Variants in ZNF469 observed in about 807,000 individuals in gnomAD.
ZNF469 encodes zinc finger protein 469.
ZNF469 carries 1 observed loss-of-function variant against 1.0 expected under a neutral mutation model. The ratio of observed to expected loss-of-function variants is 1.00; its 90% CI spans 0.35 to 4.73. The LOEUF is 4.73. Among genes scored for constraint, ZNF469 ranks in the 30% most tolerant of loss-of-function variants. The probability of loss-of-function intolerance (pLI) is 0.16; values close to 1 mark genes in which losing one functional copy is unlikely to be tolerated. For missense variants in ZNF469, 6,100 were observed against 5,356.3 expected, an observed-to-expected ratio of 1.14 and a Z score of -4.33; for synonymous variants, 2,703 against 2,363.4, an observed-to-expected ratio of 1.14 and a Z score of -4.17.
At chr16:88,318,398 C>T in the ZNF469 span, among the ~76,000 whole-genome samples, 4 of 151,656 alleles carry the variant, frequency 2.6e-5, no homozygotes, top group Admixed American at 1.3e-4. Flanking sequence ...ATTCGGTAAG[C>T]GGGGAAGAGC....
At chr16:88,222,837 G>A in the ZNF469 span, among the ~76,000 whole-genome samples, 3 of 151,864 alleles carry the variant, frequency 2.0e-5, no homozygotes, top group Admixed American at 6.6e-5. Context: ...GGCCTCAAAC[G>A]ATCCTTCCAC....
the ZNF469 span, among the ~76,000 whole-genome samples, chr16:88,146,211 C>G: frequency 3.5e-3 from 531 of 152,366 alleles, 4 homozygotes; most frequent in Middle Eastern, 0.014. Context: ...GCCCAGGTGA[C>G]TAGACTCAGG....
At chr16:88,349,387 A>G in the ZNF469 span, among the ~76,000 whole-genome samples, 2 of 151,062 alleles carry the variant, frequency 1.3e-5, no homozygotes, top group Non-Finnish European at 3.0e-5. Flanking sequence ...ACCACACACA[A>G]GGGCACACAC....
the ZNF469 span, among the ~76,000 whole-genome samples, chr16:88,184,326 A>C: frequency 6.6e-6 from 1 of 152,152 alleles, no homozygotes; most frequent in African/African-American, 2.4e-5. Flanking sequence ...AGGGCACAGC[A>C]GTGCAGCCCC....
chr16:88,140,253 T>G, the ZNF469 span, among the ~76,000 whole-genome samples: 618 of 149,812 alleles, frequency 4.1e-3, 5 homozygotes, highest in African/African-American at 0.015. Context: ...AGAGAGCTGG[T>G]AAGAAAAGTG....
the ZNF469 span, among the ~76,000 whole-genome samples, chr16:88,147,684 C>T: frequency 4.6e-5 from 7 of 152,092 alleles, no homozygotes; most frequent in African/African-American, 1.5e-4. Context: ...AGTCCCTGGG[C>T]AGCTGCTTGC....
the ZNF469 span, among the ~76,000 whole-genome samples, chr16:88,252,946 C>G: frequency 4.2e-3 from 634 of 152,336 alleles, 4 homozygotes; most frequent in African/African-American, 0.015. Context: ...TTCCTTTAAG[C>G]AGAATCCTAT....
the ZNF469 span, among the ~76,000 whole-genome samples, chr16:88,218,738 A>G: frequency 2.6e-5 from 4 of 152,040 alleles, no homozygotes; most frequent in South Asian, 8.3e-4. Flanking sequence ...CACCACTCCT[A>G]TTCCACATAG....
the ZNF469 span, among the ~76,000 whole-genome samples, chr16:88,171,866 C>A: frequency 1.3e-5 from 2 of 152,134 alleles, no homozygotes; most frequent in Admixed American, 6.5e-5. Context: ...AATTTTACTG[C>A]TATTTGGACA....
the ZNF469 span, among the ~76,000 whole-genome samples, chr16:88,223,187 G>A: frequency 6.6e-6 from 1 of 152,344 alleles, no homozygotes; most frequent in Admixed American, 6.5e-5. Flanking sequence ...CCCATGGGTT[G>A]TGGGAGGGAC....
At chr16:88,132,931 C>T in the ZNF469 span, among the ~76,000 whole-genome samples, 5,032 of 151,958 alleles carry the variant, frequency 0.033, no homozygotes, top group African/African-American at 0.11. Context: ...CCGAGCTGAC[C>T]ACCACAGGTG....
At chr16:88,195,266 G>C in the ZNF469 span, 2 of 152,212 alleles carry the variant, frequency 1.3e-5, no homozygotes. Flanking sequence ...CCCCAGCCTG[G>C]AGAGCTAAAA....
At position 88,435,383 on chromosome 16, in the gene ZNF469, T is replaced by C. The variant is rs1478915762; in HGVS notation, c.7913T>C (p.Leu2638Pro). The change falls in exon 3 of 3, where the codon CTG (leucine) becomes CCG (proline). Residue 2638 changes from leucine to proline, a missense_variant. Leu to Pro is a moderately conservative substitution (Grantham distance 98). Transcript: ENST00000565624. ...EGKSNKKRGK[L>P]RGRRLREESI... ...AAGTCAAATAAGAAAAGGGGAAAGCTGAGAGGGAGAAGGCTCCGGGAGGAG... is the reference window on the plus strand; with the variant it reads ...AAGTCAAATAAGAAAAGGGGAAAGCCGAGAGGGAGAAGGCTCCGGGAGGAG... 1 of 1,550,278 alleles carries C rather than the reference T, an allele frequency of 6.5e-7. No homozygotes were observed. The highest frequency in any genetic ancestry group is 8.7e-7 in the Non-Finnish European group (1 of 1,146,980).
chr16:88,348,806 CCTT>C, the ZNF469 span, among the ~76,000 whole-genome samples: 6 of 152,174 alleles, frequency 3.9e-5, no homozygotes, highest in Non-Finnish European at 7.4e-5. Context: ...CCTGTCGTCT[CCTT>C]CTTGAGGCCC....
chr16:88,259,995 C>A, the ZNF469 span, among the ~76,000 whole-genome samples: 3 of 151,028 alleles, frequency 2.0e-5, no homozygotes. The surrounding 1 kb of genome is among the most constrained non-coding windows in gnomAD (Gnocchi z 4.1). Context: ...TTTTTTGTTT[C>A]GAGACAGAGT....
At chr16:88,120,327 T>C in the ZNF469 span, among the ~76,000 whole-genome samples, 3 of 152,232 alleles carry the variant, frequency 2.0e-5, no homozygotes, top group Admixed American at 6.5e-5. Context: ...CTGCTGCATG[T>C]GTGTGTTACA....
At chr16:88,381,921 C>G (rs1383607717), upstream of ZNF469, among the ~76,000 whole-genome samples, 1 of 152,270 alleles carries the variant, frequency 6.6e-6, no homozygotes, top group African/African-American at 2.4e-5. Flanking sequence ...TTAGGCCACA[C>G]CTTGCTTTAC....
the ZNF469 span, among the ~76,000 whole-genome samples, chr16:88,157,004 A>G: frequency 1.3e-5 from 2 of 152,246 alleles, no homozygotes; most frequent in African/African-American, 2.4e-5. Flanking sequence ...CACAGCCCCA[A>G]CAGTCATCTC....
chr16:88,329,884 C>T, the ZNF469 span, among the ~76,000 whole-genome samples: 2 of 152,184 alleles, frequency 1.3e-5, no homozygotes, highest in African/African-American at 4.8e-5. Flanking sequence ...TCAGGCCATC[C>T]GGTGAGGGAC....
Sources: gnomAD v4.1 joint callset for allele counts (sites outside exome capture counted in the v4.1 genomes callset) on GRCh38, gnomAD v4.1.1 for gene constraint, Gnocchi (gnomAD v3.1) non-coding constraint, MANE v1.5 for transcripts, NCBI Gene and HGNC (gene_info 2026-07-23, HGNC 2026-07-21) for gene names.